The following HMCN1 variants were observed in gnomAD, a reference collection of about 807,000 sequenced individuals.
HMCN1 encodes the protein hemicentin-1.
A neutral mutation model predicts 625.9 loss-of-function variants in HMCN1; 321 were observed. The ratio of observed to expected loss-of-function variants is 0.51; its 90% CI spans 0.47 to 0.56. The LOEUF (loss-of-function observed/expected upper bound fraction) is 0.56, where lower values mean the gene tolerates loss of function less well. HMCN1 is among the 20% of genes least tolerant of loss of function. HMCN1 has a pLI of 0.00. For missense variants in HMCN1, 6,588 were observed against 6,887.3 expected, an observed-to-expected ratio of 0.96 and a Z score of 1.54; for synonymous variants, 2,425 against 2,417.6, an observed-to-expected ratio of 1.00 and a Z score of -0.09.
intron 1 of HMCN1, 22 bp downstream of exon 1, chr1:185,735,069 T>A (rs1317183451): frequency 1.9e-6 from 3 of 1,611,318 alleles, no homozygotes; most frequent in Middle Eastern, 1.7e-4. Context: ...ATTTATACTT[T>A]GTCTTTGCTA....
chr1:185,881,194 C>T (rs1664287218), intron 4 of HMCN1, among the ~76,000 whole-genome samples: 3 of 152,230 alleles, frequency 2.0e-5, no homozygotes, highest in African/African-American at 7.2e-5. Flanking sequence ...TATTTGCACT[C>T]ATGGCTCCAG....
At chr1:185,944,571 C>A (rs1668242069) in intron 11 of HMCN1, among the ~76,000 whole-genome samples, 1 of 152,216 alleles carries the variant, frequency 6.6e-6, no homozygotes, top group Admixed American at 6.5e-5. Flanking sequence ...ACCACTCTTA[C>A]TCCTCCTTTC....
At chr1:185,860,048 A>AT (rs1344086506) in intron 2 of HMCN1, among the ~76,000 whole-genome samples, 2 of 152,180 alleles carry the variant, frequency 1.3e-5, no homozygotes, top group Non-Finnish European at 2.9e-5. Context: ...GAGAGCTTTT[A>AT]TAACAAGATA....
intron 30 of HMCN1, among the ~76,000 whole-genome samples, chr1:186,008,866 G>A (rs1261880062): frequency 6.6e-6 from 1 of 152,032 alleles, no homozygotes; most frequent in Admixed American, 6.6e-5. Flanking sequence ...TAATTTAATT[G>A]CTTTCCAAAT....
intron 4 of HMCN1, among the ~76,000 whole-genome samples, chr1:185,874,599 C>A (rs1475350825): frequency 6.6e-6 from 1 of 151,828 alleles, no homozygotes; most frequent in African/African-American, 2.4e-5. Flanking sequence ...GGCTTTGTGA[C>A]AAAAATTACA....
intron 68 of HMCN1, 131 bp downstream of exon 68, chr1:186,095,652 T>A: frequency 2.2e-6 from 2 of 892,808 alleles, no homozygotes; most frequent in East Asian, 5.4e-5. Flanking sequence ...GCATTTTAAT[T>A]TTTTTTATAA....
intron 1 of HMCN1, among the ~76,000 whole-genome samples, chr1:185,830,090 AGTT>A (rs1350383852): frequency 6.6e-6 from 1 of 151,576 alleles, no homozygotes; most frequent in Non-Finnish European, 1.5e-5. Flanking sequence ...TTTTTGATAG[AGTT>A]GTTTGTTTTT....
At chr1:185,830,169 T>A (rs923296303) in intron 1 of HMCN1, among the ~76,000 whole-genome samples, 1 of 152,212 alleles carries the variant, frequency 6.6e-6, no homozygotes, top group Non-Finnish European at 1.5e-5. Flanking sequence ...ATGGGTAGAT[T>A]GCAAAAATTT....
chr1:185,881,446 T>TC (rs914742407), intron 4 of HMCN1, among the ~76,000 whole-genome samples: 1 of 152,174 alleles, frequency 6.6e-6, no homozygotes, highest in Non-Finnish European at 1.5e-5. Flanking sequence ...CCAGGCATAG[T>TC]CCCCAGTATC....
chr1:185,746,287 G>A (rs1367477961), intron 1 of HMCN1, among the ~76,000 whole-genome samples: 1 of 152,206 alleles, frequency 6.6e-6, no homozygotes, highest in Non-Finnish European at 1.5e-5. Context: ...GTAATCTTAA[G>A]TTCTTTGTGC....
rs1052884828 is a variant in HMCN1 at position 186,117,591 on chromosome 1, C to G, written c.11816C>G (p.Pro3939Arg). The change falls in exon 77 of 107, where the codon CCC becomes CGC. Residue 3939 changes from proline (P) to arginine (R), a missense_variant. Pro to Arg is a moderately radical substitution (Grantham distance 103). Transcript: ENST00000271588. ...HWTKNGIRLL[P>R]RGDGYRILSS... is the part of the protein sequence containing the mutation. The stretch of plus-strand genomic sequence containing the variant: ...ACCAAAAATGGTATAAGACTGCTTC[C>G]CAGGGGAGATGGCTATAGAATTCTG... 1 of 1,613,752 alleles carries G rather than the reference C, an allele frequency of 6.2e-7. No individual in the cohort carries two copies. The highest frequency in any genetic ancestry group is 8.5e-7 in the Non-Finnish European group (1 of 1,179,784).
At chr1:185,814,044 T>C (rs935328600) in intron 1 of HMCN1, among the ~76,000 whole-genome samples, 1 of 152,194 alleles carries the variant, frequency 6.6e-6, no homozygotes, top group Admixed American at 6.6e-5. Flanking sequence ...CTACACTTAG[T>C]ATTGCATATT....
At chr1:186,187,232 CAA>C (rs1653386659) in intron 105 of HMCN1, among the ~76,000 whole-genome samples, 1 of 64,486 alleles carries the variant, frequency 1.6e-5, no homozygotes, top group African/African-American at 9.9e-5. Flanking sequence ...ATCCCACTAC[CAA>C]ACAACAGAGG....
Position 185,790,171 on chromosome 1 carries a change from A to G in HMCN1, c.268+55124A>G, listed in dbSNP as rs77950677. On this transcript the variant is annotated intron_variant, in intron 1 of 106. Transcript: ENST00000271588. ...TGCTGCTACAACTAACAAGCCCTTC[A>G]AACTATTTTAAAATATGCATCTTTT... 1.2e-4 allele frequency among the ~76,000 whole-genome samples: 19 copies of G among 152,334 alleles called. 1 individual carries two copies. The East Asian group carries it at 3.7e-3, about 29-fold the overall frequency.
At chr1:186,039,156 T>C in intron 38 of HMCN1, 151 bp downstream of exon 38, 1 of 696,208 alleles carries the variant, frequency 1.4e-6, no homozygotes, top group Non-Finnish European at 2.6e-6. Flanking sequence ...ATAAATGTGC[T>C]TATTCCTGAT....
chr1:186,114,175 T>C (rs564778690), intron 73 of HMCN1, 52 bp downstream of exon 73: 1 of 1,599,872 alleles, frequency 6.3e-7, no homozygotes, highest in Non-Finnish European at 8.6e-7. Flanking sequence ...ATACAAATTC[T>C]TAATTTTTTT....
At chr1:186,104,486 C>A (rs148486541) in intron 69 of HMCN1, among the ~76,000 whole-genome samples, 151 of 152,266 alleles carry the variant, frequency 9.9e-4, no homozygotes, top group African/African-American at 3.4e-3. Context: ...GCATTTTTCA[C>A]TGAGAATGGA....
intron 1 of HMCN1, among the ~76,000 whole-genome samples, chr1:185,823,471 ATTTTT>A (rs994652852): frequency 2.6e-5 from 4 of 151,972 alleles, no homozygotes; most frequent in Non-Finnish European, 5.9e-5. Context: ...ATACTGACAG[ATTTTT>A]TTTGTTATTT....
chr1:186,131,869 C>T (rs572000643), intron 85 of HMCN1, among the ~76,000 whole-genome samples: 16 of 152,210 alleles, frequency 1.1e-4, no homozygotes, highest in East Asian at 9.6e-4. Flanking sequence ...AAATTTCAAA[C>T]GCTCTAGACA....
Sources: allele counts gnomAD v4.1 joint callset (sites outside exome capture counted in the v4.1 genomes callset), GRCh38; gene constraint gnomAD v4.1.1; transcripts MANE v1.5; gene names NCBI Gene and HGNC (gene_info 2026-07-23, HGNC 2026-07-21).